Variants in RASSF1 observed in about 807,000 individuals in gnomAD.
RASSF1 encodes the protein ras association domain-containing protein 1.
A neutral mutation model predicts 34.3 loss-of-function variants in RASSF1; 33 were observed. The observed-to-expected ratio is 0.96, with a 90% CI of 0.73 to 1.29. The LOEUF (loss-of-function observed/expected upper bound fraction) is 1.29. Ranked by LOEUF, RASSF1 falls within the 50% of genes most tolerant of loss-of-function variation. The probability of loss-of-function intolerance (pLI) is 0.00; values close to 1 mark genes in which losing one functional copy is unlikely to be tolerated. For synonymous variants in RASSF1, 191 were observed against 195.0 expected (o/e 0.98, Z 0.17); for missense variants, 445 against 471.8 (o/e 0.94, Z 0.53).
Position 50,330,638 on chromosome 3 carries a change from C to T in RASSF1, c.966G>A (p.Lys322=), listed in dbSNP as rs1553718177. The T allele has an allele frequency of 6.2e-7, 1 of 1,614,166 alleles. No individual in the cohort carries two copies. The change falls in exon 6 of 6, where the codon AAG becomes AAA. Residue 322 remains lysine (K), a synonymous_variant. Coordinates refer to ENST00000359365, the MANE Select transcript of RASSF1 (RefSeq NM_007182.5). The surrounding 1 kb of genome is among the most constrained non-coding windows in gnomAD (Gnocchi z 4.5). ...EEEHLRQILQ[K]YSYCRQKIQE... ...GGATCTTCTGGCGGCAATAGGAGTA[C>T]TTCTGCAGGATCTGGCGGAGGTGCT...
intron 1 of RASSF1, 193 bp from the exon 2 acceptor site, chr3:50,338,204 C>CCA: frequency 1.4e-6 from 2 of 1,413,000 alleles, no homozygotes; most frequent in East Asian, 5.1e-5. Flanking sequence ...GGCCGGAAGG[C>CCA]CACAGGCAGA....
chr3:50,337,017 C>T (rs1479461918), intron 2 of RASSF1: 4 of 1,072,542 alleles, frequency 3.7e-6, no homozygotes, highest in African/African-American at 3.3e-5. Flanking sequence ...GTCTTACGCA[C>T]GGTTCCGCGG....
intron 2 of RASSF1, among the ~76,000 whole-genome samples, chr3:50,333,078 G>C (rs1191170977): frequency 1.3e-5 from 2 of 151,594 alleles, no homozygotes; most frequent in African/African-American, 2.4e-5. Flanking sequence ...TGGGCAACAA[G>C]AGCGAAACTC....
Position 50,330,790 on chromosome 3 carries a change from C to T in RASSF1, c.877-63G>A, listed in dbSNP as rs1553718232. Reference sequence around the variant, plus strand: ...GGGATGGCCAAGCCAGCAGACCCTCCCCAGAGAAGACTAGCACCTCATGTT... The same window carrying T: ...GGGATGGCCAAGCCAGCAGACCCTCTCCAGAGAAGACTAGCACCTCATGTT... On this transcript the variant is annotated intron_variant, in intron 5 of 5. Coordinates refer to ENST00000359365, the MANE Select transcript of RASSF1 (RefSeq NM_007182.5). The surrounding 1 kb of genome is among the most constrained non-coding windows in gnomAD (Gnocchi z 4.5). 1 of 1,547,024 alleles carries T rather than the reference C, an allele frequency of 6.5e-7. No homozygotes were observed. Among genetic ancestry groups the T allele is most frequent in the Non-Finnish European group, 8.8e-7 (1 of 1,131,066 alleles).
chr3:50,335,313 CTTTTTTTTTTTTT>C (rs906428880), intron 2 of RASSF1, among the ~76,000 whole-genome samples: 1 of 107,974 alleles, frequency 9.3e-6, no homozygotes, highest in East Asian at 3.2e-4. Context: ...CCTATTCTTT[CTTTTTTTTTTTTT>C]TTTTTTTTGA....
At position 50,337,037 on chromosome 3, in the gene RASSF1, C is replaced by T. The variant is rs1178433164; in HGVS notation, c.357+868G>A. On this transcript the variant is annotated intron_variant, in intron 2 of 5. Coordinates refer to ENST00000359365, the MANE Select transcript of RASSF1 (RefSeq NM_007182.5). ...ACGCACGGTTCCGCGGGCAGGTCCC[C>T]GGCCAGGACCCGCGGGGAGCCACGT... is the stretch of plus-strand genomic sequence containing the variant. The T allele has an allele frequency of 9.8e-6, 12 of 1,218,714 alleles. No individual in the cohort carries two copies. In the East Asian group the frequency reaches 2.2e-4, roughly 22 times the overall value. The allele number at this position is 1,218,714 out of a possible 1,614,324, so 75.5% of individuals were successfully genotyped here.
chr3:50,340,535 G>C, intron 1 of RASSF1, 21 bp downstream of exon 1: 1 of 1,467,876 alleles, frequency 6.8e-7, no homozygotes, highest in Non-Finnish European at 8.9e-7. Flanking sequence ...GCTCTCGTAG[G>C]CGCGCGGGGC....
In RASSF1 at chr3:50,340,593, G is replaced by A; in HGVS notation, c.213C>T (p.Phe71=). The change falls in exon 1 of 6, where the codon TTC becomes TTT. Residue 71 remains phenylalanine, a synonymous_variant. Coordinates refer to ENST00000359365, the MANE Select transcript of RASSF1 (RefSeq NM_007182.5). The part of the protein sequence containing the change: ...THTWCDLCGD[F]IWGVVRKGLQ... ...GGCCTTTGCGCACGACGCCCCAGAT[G>A]AAGTCGCCACAGAGGTCGCACCACG... 5 of 1,549,218 alleles carry A rather than the reference G, an allele frequency of 3.2e-6. No individual in the cohort carries two copies. Among genetic ancestry groups the A allele is most frequent in the Non-Finnish European group, 4.3e-6 (5 of 1,158,028 alleles).
chr3:50,340,822 T>A lies in RASSF1; in HGVS notation c.-17A>T. 1 of 1,456,186 alleles carries A rather than the reference T, an allele frequency of 6.9e-7. No individual in the cohort carries two copies. Among genetic ancestry groups the A allele is most frequent in the South Asian group, 1.3e-5 (1 of 77,100 alleles). The allele number at this position is 1,456,186 out of a possible 1,614,324, so 90.2% of individuals were successfully genotyped here. On this transcript the variant is annotated 5_prime_UTR_variant, in exon 1 of 6. Coordinates refer to ENST00000359365, the MANE Select transcript of RASSF1 (RefSeq NM_007182.5). ...CCCCGACATGGCCCGGTTGGGCCCG[T>A]GCTTCGCTGGCTTTGGGCGCTAGCA...
intron 1 of RASSF1, among the ~76,000 whole-genome samples, chr3:50,338,871 G>A (rs1194610738): frequency 6.6e-6 from 1 of 152,190 alleles, no homozygotes; most frequent in African/African-American, 2.4e-5. Context: ...ATCATTTGAA[G>A]CTTGCTCCCT....
intron 2 of RASSF1, chr3:50,337,498 C>T (rs1356921747): frequency 3.9e-6 from 6 of 1,533,090 alleles, no homozygotes; most frequent in Non-Finnish European, 5.2e-6. Context: ...GGGGCAGGAA[C>T]GCCGGGGCGG....
chr3:50,331,656 C>G lies in RASSF1; in HGVS notation c.663G>C (p.Arg221Ser). 1 of 1,612,588 alleles carries G rather than the reference C, an allele frequency of 6.2e-7. No individual in the cohort carries two copies. The highest frequency in any genetic ancestry group is 8.5e-7 in the Non-Finnish European group (1 of 1,178,712). Residue 221 changes from arginine to serine, a missense_variant, in exon 4 of 6, where the codon AGG becomes AGC. Arg to Ser is a moderately radical substitution (Grantham distance 110). Transcript: ENST00000359365. ...VKHLHVLSRT[R>S]AREVIEALLR... ...GCAGGGCCTCAATGACTTCACGTGC[C>G]CTTGTGCGTGACAGCACATGCAGGT...
At chr3:50,331,877 A>G (rs753948421) in intron 3 of RASSF1, 21 bp from the exon 4 acceptor site, 15 of 1,547,420 alleles carry the variant, frequency 9.7e-6, no homozygotes, top group East Asian at 2.3e-5. Context: ...AGAGAAACCA[A>G]ACCTTGATAA....
At chr3:50,337,337 C>T (rs1221891921) in intron 2 of RASSF1, 4 of 1,609,300 alleles carry the variant, frequency 2.5e-6, no homozygotes, top group Non-Finnish European at 3.4e-6. Flanking sequence ...CCCGCCCGTC[C>T]CCCAGTCCTG....
At chr3:50,337,380 G>A in intron 2 of RASSF1, 3 of 1,596,000 alleles carry the variant, frequency 1.9e-6, no homozygotes, top group Admixed American at 1.7e-5. Flanking sequence ...CGCCCCGGTC[G>A]CGTGCGTGCG....
Position 50,331,644 on chromosome 3 carries a change from G to T in RASSF1, c.675C>A (p.Val225=). ...AGAACTTTCGCAGCAGGGCCTCAATGACTTCACGTGCCCTTGTGCGTGACA... is the reference window on the plus strand; with the variant it reads ...AGAACTTTCGCAGCAGGGCCTCAATTACTTCACGTGCCCTTGTGCGTGACA... ...HVLSRTRARE[V]IEALLRKFLV... is the part of the protein sequence containing the mutation. Residue 225 remains valine, a synonymous_variant, in exon 4 of 6, where the codon GTC becomes GTA. Coordinates refer to ENST00000359365, the MANE Select transcript of RASSF1 (RefSeq NM_007182.5). 1 of 1,610,314 alleles carries T rather than the reference G, an allele frequency of 6.2e-7. No individual in the cohort carries two copies. The highest frequency in any genetic ancestry group is 8.5e-7 in the Non-Finnish European group (1 of 1,176,760).
chr3:50,337,052 G>T (rs1703164088), intron 2 of RASSF1: 1 of 1,295,690 alleles, frequency 7.7e-7, no homozygotes, highest in Admixed American at 3.0e-5. Flanking sequence ...AGGACCCGCG[G>T]GGAGCCACGT....
chr3:50,335,809 T>G (rs748549057), intron 2 of RASSF1, among the ~76,000 whole-genome samples: 4 of 152,212 alleles, frequency 2.6e-5, no homozygotes, highest in Non-Finnish European at 5.9e-5. Context: ...TTTCACCATG[T>G]TGGCCAGGCT....
chr3:50,332,863 G>A (rs1171320592), intron 2 of RASSF1, among the ~76,000 whole-genome samples: 2 of 152,126 alleles, frequency 1.3e-5, no homozygotes. Context: ...GGGAGGCCGA[G>A]GCGGGTGGAT....
Sources: gnomAD v4.1 joint callset for allele counts (sites outside exome capture counted in the v4.1 genomes callset) on GRCh38, gnomAD v4.1.1 for gene constraint, Gnocchi (gnomAD v3.1) non-coding constraint, MANE v1.5 for transcripts, NCBI Gene and HGNC (gene_info 2026-07-23, HGNC 2026-07-21) for gene names.